Variants in NEK10 observed in about 807,000 individuals in gnomAD.
The protein encoded by NEK10 is NIMA related kinase 10.
NEK10 carries 122 observed loss-of-function variants against 159.8 expected under a neutral mutation model. The ratio of observed to expected loss-of-function variants is 0.76; its 90% CI spans 0.66 to 0.89. NEK10 has a LOEUF of 0.89. NEK10 is among the 40% of genes least tolerant of loss of function. The pLI, the probability that NEK10 is intolerant of heterozygous loss-of-function variation, is 0.00. For missense variants in NEK10, 1,342 were observed against 1,323.1 expected, an observed-to-expected ratio of 1.01 and a Z score of -0.22; for synonymous variants, 466 against 457.1, an observed-to-expected ratio of 1.02 and a Z score of -0.25.
At chr3:27,203,067 G>A (rs888269280) in intron 23 of NEK10, among the ~76,000 whole-genome samples, 6 of 152,056 alleles carry the variant, frequency 3.9e-5, no homozygotes, top group African/African-American at 9.7e-5. Flanking sequence ...TAGGAGCTTC[G>A]GTCCACTACC....
chr3:27,244,191 A>T (rs1243460941), intron 23 of NEK10, among the ~76,000 whole-genome samples: 3 of 152,230 alleles, frequency 2.0e-5, no homozygotes, highest in Non-Finnish European at 4.4e-5. Flanking sequence ...GCCTATTCAG[A>T]ATTGAACTGA....
chr3:27,192,897 C>G (rs1949239240), intron 25 of NEK10, among the ~76,000 whole-genome samples: 1 of 152,156 alleles, frequency 6.6e-6, no homozygotes, highest in Admixed American at 6.5e-5. Context: ...AAAGAAGATG[C>G]AGTTTAGCAT....
intron 5 of NEK10, among the ~76,000 whole-genome samples, chr3:27,335,750 C>T (rs1042395619): frequency 1.3e-5 from 2 of 152,132 alleles, no homozygotes; most frequent in Non-Finnish European, 2.9e-5. Flanking sequence ...TAAACATTTG[C>T]TCCTGAATGA....
intron 5 of NEK10, among the ~76,000 whole-genome samples, chr3:27,330,976 C>T (rs1057267233): frequency 6.6e-6 from 1 of 152,070 alleles, no homozygotes; most frequent in East Asian, 1.9e-4. Context: ...TGGCTCACAC[C>T]TGTAATCCCA....
intron 35 of NEK10, among the ~76,000 whole-genome samples, chr3:27,111,723 A>C (rs1254518179): frequency 6.6e-6 from 1 of 152,212 alleles, no homozygotes; most frequent in Non-Finnish European, 1.5e-5. Context: ...TTTTATTATT[A>C]AAAATAAAAT....
chr3:27,190,574 T>C (rs1490878304), intron 26 of NEK10, among the ~76,000 whole-genome samples: 1 of 152,208 alleles, frequency 6.6e-6, no homozygotes, highest in African/African-American at 2.4e-5. Context: ...TAACAGACTT[T>C]CTGCTGTTAG....
intron 23 of NEK10, among the ~76,000 whole-genome samples, chr3:27,203,126 A>T (rs1312523136): frequency 6.6e-6 from 1 of 152,200 alleles, no homozygotes; most frequent in Non-Finnish European, 1.5e-5. Context: ...GCCTGGGCCC[A>T]GCATAAGACA....
chr3:27,208,944 T>G (rs929932698), intron 23 of NEK10, among the ~76,000 whole-genome samples: 5 of 152,166 alleles, frequency 3.3e-5, no homozygotes, highest in Non-Finnish European at 7.3e-5. Flanking sequence ...CTCTAACTTT[T>G]CTGAACACAA....
At chr3:27,127,109 C>T (rs1942053344) in intron 32 of NEK10, among the ~76,000 whole-genome samples, 1 of 152,078 alleles carries the variant, frequency 6.6e-6, no homozygotes, top group African/African-American at 2.4e-5. Context: ...TCCACGTACC[C>T]GTCACCCAGT....
chr3:27,188,242 A>G (rs181551974), intron 26 of NEK10, among the ~76,000 whole-genome samples: 4 of 152,136 alleles, frequency 2.6e-5, no homozygotes, highest in Admixed American at 2.6e-4. Flanking sequence ...CATTTCCCTC[A>G]TCTCATTTAT....
chr3:27,302,219 T>G (rs1412361480), intron 12 of NEK10, among the ~76,000 whole-genome samples: 1 of 152,208 alleles, frequency 6.6e-6, no homozygotes, highest in Non-Finnish European at 1.5e-5. Flanking sequence ...ATCTTGGAAA[T>G]GTTTGGCCCT....
intron 1 of NEK10, among the ~76,000 whole-genome samples, chr3:27,359,096 G>A (rs1019613946): frequency 2.0e-5 from 3 of 151,916 alleles, no homozygotes; most frequent in African/African-American, 7.3e-5. Flanking sequence ...CAGTTACTCA[G>A]GAGGCTGAGG....
chr3:27,189,412 C>T (rs1162514389), intron 26 of NEK10, among the ~76,000 whole-genome samples: 1 of 152,000 alleles, frequency 6.6e-6, no homozygotes, highest in Non-Finnish European at 1.5e-5. Flanking sequence ...AGTGGATCCC[C>T]TTATTGATAT....
intron 21 of NEK10, 47 bp downstream of exon 21, chr3:27,284,793 C>G: frequency 6.4e-7 from 1 of 1,550,770 alleles, no homozygotes; most frequent in Non-Finnish European, 8.9e-7. Context: ...GAAGCCAGCT[C>G]AGAACATTAC....
At chr3:27,120,838 C>A (rs989425390) in intron 32 of NEK10, among the ~76,000 whole-genome samples, 5 of 152,084 alleles carry the variant, frequency 3.3e-5, no homozygotes, top group Non-Finnish European at 1.5e-5. Flanking sequence ...ACCTTTAATT[C>A]CAATTATCAC....
At chr3:27,239,470 G>A (rs141444646) in intron 23 of NEK10, among the ~76,000 whole-genome samples, 2 of 152,170 alleles carry the variant, frequency 1.3e-5, no homozygotes, top group African/African-American at 4.8e-5. Flanking sequence ...CTGTGGAAGG[G>A]GGAGGAGAAT....
intron 20 of NEK10, among the ~76,000 whole-genome samples, chr3:27,285,790 T>C (rs936675392): frequency 6.6e-6 from 1 of 152,206 alleles, no homozygotes; most frequent in African/African-American, 2.4e-5. Flanking sequence ...CTGTAATTTA[T>C]GCTTTTTTTC....
intron 20 of NEK10, among the ~76,000 whole-genome samples, chr3:27,285,833 T>A (rs1376497809): frequency 1.3e-5 from 2 of 152,178 alleles, no homozygotes; most frequent in South Asian, 2.1e-4. Context: ...TACACACAGA[T>A]CCATACCATT....
At chr3:27,226,800 A>G (rs190461496) in intron 23 of NEK10, among the ~76,000 whole-genome samples, 3 of 152,308 alleles carry the variant, frequency 2.0e-5, no homozygotes, top group Non-Finnish European at 1.5e-5. Context: ...AAAACAAACC[A>G]CTTCTATCAA....
Sources: allele counts gnomAD v4.1 joint callset (sites outside exome capture counted in the v4.1 genomes callset), GRCh38; gene constraint gnomAD v4.1.1; transcripts MANE v1.5; gene names NCBI Gene and HGNC (gene_info 2026-07-23, HGNC 2026-07-21).